RORB: variants seen among roughly 807,000 people sequenced by gnomAD.
RORB encodes the protein RAR related orphan receptor B, also known as nuclear receptor ROR-beta.
A neutral mutation model predicts 59.1 loss-of-function variants in RORB; 6 were observed. The ratio of observed to expected loss-of-function variants is 0.10; its 90% CI spans 0.06 to 0.20. The LOEUF (loss-of-function observed/expected upper bound fraction) is 0.20, where lower values mean the gene tolerates loss of function less well. Ranked by LOEUF, RORB falls within the 10% of genes least tolerant of loss-of-function variation. The pLI is 1.00. For missense variants in RORB, 320 were observed against 560.5 expected (o/e 0.57, Z 4.33); for synonymous variants, 215 against 204.5 (o/e 1.05, Z -0.44).
intron 1 of RORB, among the ~76,000 whole-genome samples, chr9:74,526,747 A>G (rs530936650): frequency 1.3e-5 from 2 of 152,146 alleles, no homozygotes; most frequent in Non-Finnish European, 2.9e-5. Context: ...ATCTGCAATA[A>G]TATAAAAGAG....
intron 1 of RORB, among the ~76,000 whole-genome samples, chr9:74,575,566 T>C (rs1287465098): frequency 3.9e-5 from 6 of 152,086 alleles, no homozygotes; most frequent in Non-Finnish European, 8.8e-5. Context: ...TCATTTACTA[T>C]TATTATCTTC....
At chr9:74,593,928 G>C (rs1009390483) in intron 1 of RORB, among the ~76,000 whole-genome samples, 2 of 152,198 alleles carry the variant, frequency 1.3e-5, no homozygotes, top group Non-Finnish European at 2.9e-5. Flanking sequence ...TGAAAAGGGA[G>C]CTGAGTCTTC....
chr9:74,625,209 C>T (rs1437227639), intron 1 of RORB, among the ~76,000 whole-genome samples: 1 of 152,166 alleles, frequency 6.6e-6, no homozygotes, highest in Non-Finnish European at 1.5e-5. Context: ...TAGCTAATAA[C>T]TTAACTCATT....
At chr9:74,587,660 A>G (rs936740928) in intron 1 of RORB, among the ~76,000 whole-genome samples, 2 of 152,130 alleles carry the variant, frequency 1.3e-5, no homozygotes, top group Non-Finnish European at 2.9e-5. Context: ...TGGTTGGTCA[A>G]GGGAAGGGGG....
chr9:74,595,135 T>C (rs1822952336), intron 1 of RORB, among the ~76,000 whole-genome samples: 1 of 152,192 alleles, frequency 6.6e-6, no homozygotes, highest in African/African-American at 2.4e-5. Flanking sequence ...TTCAGTTCCA[T>C]AATGCAGTCA....
chr9:74,541,279 CA>C (rs374556016), intron 1 of RORB, among the ~76,000 whole-genome samples: 81 of 43,546 alleles, frequency 1.9e-3, no homozygotes, highest in African/African-American at 0.011. Context: ...GACTCCATCT[CA>C]AAAAAAAAAA....
chr9:74,527,335 C>T (rs1435110373), intron 1 of RORB, among the ~76,000 whole-genome samples: 2 of 151,870 alleles, frequency 1.3e-5, no homozygotes, highest in Non-Finnish European at 2.9e-5. Flanking sequence ...CTATTATGTG[C>T]CAGTCGCTGT....
intron 1 of RORB, among the ~76,000 whole-genome samples, chr9:74,558,643 TCA>T (rs1313766798): frequency 4.6e-5 from 7 of 151,696 alleles, no homozygotes; most frequent in Non-Finnish European, 1.0e-4. Context: ...TTTAAAAATA[TCA>T]CAGCAATGCA....
At chr9:74,675,144 G>A (rs1289279283) in intron 9 of RORB, among the ~76,000 whole-genome samples, 1 of 152,058 alleles carries the variant, frequency 6.6e-6, no homozygotes, top group Non-Finnish European at 1.5e-5. Context: ...GGAGGTTGAA[G>A]AAGTGCAGGA....
intron 1 of RORB, chr9:74,615,498 C>G (rs1356858725): frequency 8.8e-6 from 3 of 338,992 alleles, no homozygotes; most frequent in Non-Finnish European, 1.2e-5. Context: ...ATTAATGCAG[C>G]CTGTTGGGAT....
chr9:74,535,407 G>C (rs994964355), intron 1 of RORB, among the ~76,000 whole-genome samples: 19 of 152,014 alleles, frequency 1.2e-4, no homozygotes, highest in African/African-American at 4.1e-4. Context: ...ATGTGTCTCT[G>C]GGATTCCAGG....
At chr9:74,542,842 G>C (rs1294423567) in intron 1 of RORB, among the ~76,000 whole-genome samples, 4 of 152,110 alleles carry the variant, frequency 2.6e-5, no homozygotes, top group Admixed American at 6.5e-5. Context: ...AAGCCTCTGG[G>C]AGTATAAGAA....
At chr9:74,660,863 G>C (rs1824169831) in intron 5 of RORB, 125 bp downstream of exon 5, 9 of 961,328 alleles carry the variant, frequency 9.4e-6, no homozygotes, top group Admixed American at 5.6e-5. Context: ...CAAATTGTTC[G>C]ATACTTACCA....
chr9:74,540,919 C>G (rs1317485410), intron 1 of RORB, among the ~76,000 whole-genome samples: 1 of 152,060 alleles, frequency 6.6e-6, no homozygotes, highest in Non-Finnish European at 1.5e-5. Context: ...AAATTGCTCC[C>G]TGTAGTGTTT....
At chr9:74,563,592 T>A (rs1007242123) in intron 1 of RORB, among the ~76,000 whole-genome samples, 4 of 152,254 alleles carry the variant, frequency 2.6e-5, no homozygotes, top group Non-Finnish European at 5.9e-5. Flanking sequence ...TCCATATGGA[T>A]TTGTCCAACA....
chr9:74,500,794 C>A (rs1825794893), intron 1 of RORB, among the ~76,000 whole-genome samples: 1 of 152,180 alleles, frequency 6.6e-6, no homozygotes, highest in Admixed American at 6.5e-5. Context: ...TGATCTTTGA[C>A]GTCCTTGTCC....
intron 1 of RORB, among the ~76,000 whole-genome samples, chr9:74,507,156 G>A (rs975770645): frequency 6.6e-6 from 1 of 152,096 alleles, no homozygotes; most frequent in Non-Finnish European, 1.5e-5. Context: ...GCCTGGGCCA[G>A]TGTACTATTC....
intron 1 of RORB, among the ~76,000 whole-genome samples, chr9:74,561,846 T>G (rs1822400291): frequency 6.6e-6 from 1 of 152,238 alleles, no homozygotes; most frequent in South Asian, 2.1e-4. Context: ...TAGTTGATGA[T>G]GTGTTTCTCT....
At chr9:74,593,435 C>T (rs1258786596) in intron 1 of RORB, among the ~76,000 whole-genome samples, 1 of 146,734 alleles carries the variant, frequency 6.8e-6, no homozygotes, top group Non-Finnish European at 1.5e-5. Context: ...CGTTGCACTC[C>T]AGCCTGGGCA....
Sources: allele counts gnomAD v4.1 joint callset (sites outside exome capture counted in the v4.1 genomes callset), GRCh38; gene constraint gnomAD v4.1.1; transcripts MANE v1.5; gene names NCBI Gene and HGNC (gene_info 2026-07-23, HGNC 2026-07-21).